Variants in SORBS2 observed in about 807,000 individuals in gnomAD.
The protein encoded by SORBS2 is sorbin and SH3 domain containing 2.
In SORBS2, 46 loss-of-function variants were observed where a neutral mutation model predicts 97.7. The observed-to-expected ratio is 0.47, with a 90% CI of 0.37 to 0.60. The LOEUF is 0.60. SORBS2 is among the 20% of genes least tolerant of loss of function. The pLI, the probability that SORBS2 is intolerant of heterozygous loss-of-function variation, is 0.00. For missense variants in SORBS2, 1,316 were observed against 1,282.3 expected, an observed-to-expected ratio of 1.03 and a Z score of -0.40; for synonymous variants, 476 against 473.4, an observed-to-expected ratio of 1.01 and a Z score of -0.07.
chr4:185,884,532 C>A (rs1387130739), intron 1 of SORBS2, among the ~76,000 whole-genome samples: 1 of 152,128 alleles, frequency 6.6e-6, no homozygotes, highest in Non-Finnish European at 1.5e-5. Flanking sequence ...AAGATCTGAA[C>A]AAAAGAAATC....
chr4:185,841,755 AG>A (rs745713229), intron 1 of SORBS2, among the ~76,000 whole-genome samples: 1 of 152,158 alleles, frequency 6.6e-6, no homozygotes, highest in Non-Finnish European at 1.5e-5. Context: ...AAAGACTAGC[AG>A]TGGCTTCTCT....
chr4:185,637,449 A>G (rs1235992595), intron 4 of SORBS2, among the ~76,000 whole-genome samples: 1 of 152,244 alleles, frequency 6.6e-6, no homozygotes, highest in African/African-American at 2.4e-5. Flanking sequence ...ACCCGTCCAC[A>G]TCCTTAAGCA....
intron 1 of SORBS2, among the ~76,000 whole-genome samples, chr4:185,790,017 T>C (rs2099073341): frequency 1.3e-5 from 2 of 152,166 alleles, no homozygotes; most frequent in Non-Finnish European, 2.9e-5. Flanking sequence ...ATATATCTAC[T>C]GTAGTTAAAA....
chr4:185,729,576 A>C (rs2098597590), intron 2 of SORBS2, among the ~76,000 whole-genome samples: 2 of 152,250 alleles, frequency 1.3e-5, no homozygotes, highest in South Asian at 4.1e-4. Flanking sequence ...AAAATCATCC[A>C]GTCTAACATT....
intron 2 of SORBS2, among the ~76,000 whole-genome samples, chr4:185,713,433 C>T (rs11725010): frequency 0.78 from 118,270 of 152,070 alleles, 47,313 homozygotes; most frequent in Non-Finnish European, 0.89. Flanking sequence ...TTTCCCACCA[C>T]AAGGATTAGC....
chr4:185,761,979 CA>C (rs1208299044), intron 2 of SORBS2, among the ~76,000 whole-genome samples: 6 of 152,150 alleles, frequency 3.9e-5, no homozygotes, highest in African/African-American at 1.4e-4. Flanking sequence ...AGTCTACATG[CA>C]AAGCTGATTT....
At chr4:185,706,379 TTC>T (rs895134674) in intron 2 of SORBS2, among the ~76,000 whole-genome samples, 1 of 152,224 alleles carries the variant, frequency 6.6e-6, no homozygotes, top group Non-Finnish European at 1.5e-5. Context: ...CTTGACTCTT[TTC>T]TCTTTTAGTT....
chr4:185,604,195 A>C (rs1010264846), intron 12 of SORBS2, among the ~76,000 whole-genome samples: 12 of 152,230 alleles, frequency 7.9e-5, no homozygotes, highest in African/African-American at 2.9e-4. Flanking sequence ...AAATGTTTGG[A>C]TAGAGGCCAC....
At chr4:185,930,885 C>T (rs1253564975) in intron 1 of SORBS2, among the ~76,000 whole-genome samples, 1 of 152,158 alleles carries the variant, frequency 6.6e-6, no homozygotes, top group Non-Finnish European at 1.5e-5. Context: ...TGCATCAATG[C>T]TACATATTTT....
Position 185,670,665 on chromosome 4 carries a change from T to C in SORBS2, c.-46+7758A>G, listed in dbSNP as rs1356666971. Among the ~76,000 whole-genome samples, 3 of 151,820 alleles carry C rather than the reference T, an allele frequency of 2.0e-5. No homozygotes were observed. The South Asian group carries it at 6.3e-4, about 32-fold the overall frequency. On this transcript the variant is annotated intron_variant, in intron 4 of 20. Transcript: ENST00000284776. ...TCCAAAAGTGCTGGGATTACAGGCA[T>C]GAGCCACTGTGCCCGGCTGGAAGGG... is the stretch of plus-strand genomic sequence containing the variant.
At chr4:185,721,838 A>G (rs1249618065) in intron 2 of SORBS2, among the ~76,000 whole-genome samples, 3 of 152,220 alleles carry the variant, frequency 2.0e-5, no homozygotes, top group African/African-American at 7.2e-5. Flanking sequence ...GGAATTACAG[A>G]CTTTGGTTCC....
intron 12 of SORBS2, among the ~76,000 whole-genome samples, chr4:185,605,193 T>C (rs1003596996): frequency 6.6e-6 from 1 of 152,242 alleles, no homozygotes; most frequent in Non-Finnish European, 1.5e-5. Context: ...AGTAGCGTAA[T>C]AGGAACCATC....
At chr4:185,722,205 T>A (rs957778571) in intron 2 of SORBS2, among the ~76,000 whole-genome samples, 1 of 152,206 alleles carries the variant, frequency 6.6e-6, no homozygotes, top group Non-Finnish European at 1.5e-5. Context: ...GCTTTATCTA[T>A]CTTTCCAGAG....
At chr4:185,624,636 G>C (rs953898438) in intron 6 of SORBS2, 142 bp from the exon 19 acceptor site, 1 of 829,604 alleles carries the variant, frequency 1.2e-6, no homozygotes, top group Non-Finnish European at 1.8e-6. Context: ...GGTGCTGATT[G>C]TTCACACATG....
chr4:185,609,978 A>AT (rs777906486), intron 12 of SORBS2, among the ~76,000 whole-genome samples: 2 of 152,242 alleles, frequency 1.3e-5, no homozygotes, highest in South Asian at 2.1e-4. Context: ...TTCTCAACAT[A>AT]TTTTTTCCCC....
chr4:185,599,322 T>C (rs1169105374), intron 12 of SORBS2, among the ~76,000 whole-genome samples: 1 of 152,222 alleles, frequency 6.6e-6, no homozygotes, highest in Non-Finnish European at 1.5e-5. Flanking sequence ...TTGGCTGCAT[T>C]CCTTAGAATT....
intron 5 of SORBS2, among the ~76,000 whole-genome samples, chr4:185,628,824 A>G (rs2096860018): frequency 6.6e-6 from 1 of 152,244 alleles, no homozygotes; most frequent in African/African-American, 2.4e-5. Flanking sequence ...CCTCAGTTGC[A>G]TAAAATACTG....
chr4:185,680,907 C>T (rs894715465), intron 2 of SORBS2, among the ~76,000 whole-genome samples: 2 of 152,162 alleles, frequency 1.3e-5, no homozygotes, highest in Admixed American at 6.5e-5. Flanking sequence ...AGGACAGTCA[C>T]TCCAGGCTCA....
intron 12 of SORBS2, among the ~76,000 whole-genome samples, chr4:185,596,701 A>G (rs1325658620): frequency 2.0e-5 from 3 of 151,586 alleles, no homozygotes; most frequent in Non-Finnish European, 4.4e-5. Flanking sequence ...TGCCCAGCTA[A>G]TTTTTGTATT....
Sources: allele counts gnomAD v4.1 joint callset (sites outside exome capture counted in the v4.1 genomes callset), GRCh38; gene constraint gnomAD v4.1.1; transcripts MANE v1.5; gene names NCBI Gene and HGNC (gene_info 2026-07-23, HGNC 2026-07-21).